ACTN1: variants seen among roughly 807,000 people sequenced by gnomAD.
ACTN1 encodes the protein alpha-actinin-1.
Under a neutral mutation model 119.6 loss-of-function variants are expected in ACTN1, and 30 were observed. The ratio of observed to expected loss-of-function variants is 0.25; its 90% CI spans 0.19 to 0.34. The LOEUF (loss-of-function observed/expected upper bound fraction) is 0.34. ACTN1 is among the 10% of genes least tolerant of loss of function. The probability of loss-of-function intolerance (pLI) is 1.00; values close to 1 mark genes in which losing one functional copy is unlikely to be tolerated. For missense variants in ACTN1, 764 were observed against 1,223.4 expected (o/e 0.62, Z 5.60); for synonymous variants, 429 against 472.6 (o/e 0.91, Z 1.20).
chr14:68,973,103 G>A (rs75600048), intron 1 of ACTN1, among the ~76,000 whole-genome samples: 128 of 152,262 alleles, frequency 8.4e-4, no homozygotes, highest in African/African-American at 2.8e-3. Flanking sequence ...CCCCTGGTAC[G>A]ACATGAAAGG....
chr14:68,912,071 T>C (rs2140301417), intron 4 of ACTN1, 85 bp downstream of exon 4: 1 of 1,258,426 alleles, frequency 7.9e-7, no homozygotes. Context: ...CAACGTCCGT[T>C]GCCCTGGGTA....
At chr14:68,927,240 C>T (rs1002595212) in intron 1 of ACTN1, among the ~76,000 whole-genome samples, 22 of 152,312 alleles carry the variant, frequency 1.4e-4, no homozygotes, top group African/African-American at 4.8e-4. Flanking sequence ...AGAGATATCA[C>T]CTCCTCCAGG....
intron 1 of ACTN1, among the ~76,000 whole-genome samples, chr14:68,972,758 T>C (rs536117549): frequency 1.2e-3 from 187 of 152,302 alleles, no homozygotes; most frequent in African/African-American, 4.3e-3. Context: ...AGCTCCACCA[T>C]TTGCTGGCTG....
rs564212652 is a variant in ACTN1, at chr14:68,942,715, A to G, written c.106-17043T>C. ...CTGGTGGAGAGTAGACTGTACAGCC[A>G]TTTTAGGGGGTAACTCAGCAGCGTA... is the stretch of plus-strand genomic sequence containing the variant. On this transcript the variant is annotated intron_variant, in intron 1 of 21. Transcript: ENST00000394419. Among the ~76,000 whole-genome samples the G allele has an allele frequency of 6.6e-5, 10 of 152,288 alleles. No homozygotes were observed. In the East Asian group the frequency reaches 1.9e-3, roughly 29 times the overall value.
At chr14:68,892,949 G>C (rs1281656431) in intron 9 of ACTN1, among the ~76,000 whole-genome samples, 5 of 152,178 alleles carry the variant, frequency 3.3e-5, no homozygotes, top group African/African-American at 1.2e-4. Flanking sequence ...TAAGGGCTGT[G>C]ATCACCTGCA....
At chr14:68,891,871 C>G (rs975927566) in intron 10 of ACTN1, among the ~76,000 whole-genome samples, 182 bp downstream of exon 10, 30 of 152,070 alleles carry the variant, frequency 2.0e-4, no homozygotes, top group African/African-American at 7.2e-4. Context: ...CCCACATGGC[C>G]GAGTTTGGGA....
Position 68,892,224 on chromosome 14 carries a change from G to A in ACTN1, c.915C>T (p.Thr305=), listed in dbSNP as rs1380217207. 1 of 1,614,192 alleles carries A rather than the reference G, an allele frequency of 6.2e-7. No individual in the cohort carries two copies. The highest frequency in any genetic ancestry group is 1.7e-5 in the Admixed American group (1 of 60,032). The stretch of plus-strand genomic sequence containing the variant: ...CCAGCTTCTGTTGCATGGCATGCAT[G>A]GTGTTCTCGGGCACCCGGTTCTCCA... ...PWLENRVPEN[T]MHAMQQKLED... The change falls in exon 10 of 22, where the codon ACC becomes ACT. Residue 305 remains threonine, a synonymous_variant. Transcript: ENST00000394419.
chr14:68,943,760 C>T (rs1239388850), intron 1 of ACTN1, among the ~76,000 whole-genome samples: 1 of 152,212 alleles, frequency 6.6e-6, no homozygotes, highest in African/African-American at 2.4e-5. Context: ...GTCCACTCAA[C>T]AATTCTAGGT....
At chr14:68,935,447 G>T (rs1402755592) in intron 1 of ACTN1, among the ~76,000 whole-genome samples, 1 of 124,082 alleles carries the variant, frequency 8.1e-6, no homozygotes, top group African/African-American at 3.2e-5. Context: ...GTGCAGTGGT[G>T]CAATCTCAGC....
intron 1 of ACTN1, among the ~76,000 whole-genome samples, chr14:68,969,903 T>C (rs2036826651): frequency 6.6e-6 from 1 of 152,140 alleles, no homozygotes; most frequent in Non-Finnish European, 1.5e-5. Context: ...CCAAGTTCCA[T>C]TAGGGGACCG....
chr14:68,892,878 AG>A, intron 9 of ACTN1, among the ~76,000 whole-genome samples: 1 of 152,290 alleles, frequency 6.6e-6, no homozygotes, highest in East Asian at 1.9e-4. Flanking sequence ...GAACACCTGC[AG>A]GGGGCCAGGC....
intron 4 of ACTN1, 74 bp downstream of exon 4, chr14:68,912,082 T>C (rs1022587090): frequency 2.1e-6 from 3 of 1,416,552 alleles, no homozygotes; most frequent in African/African-American, 2.8e-5. Context: ...GCCCTGGGTA[T>C]GGGAGTTCTC....
At chr14:68,877,530 G>A in intron 20 of ACTN1, 1 of 395,992 alleles carries the variant, frequency 2.5e-6, no homozygotes, top group South Asian at 4.1e-5. Context: ...TGACACCTAT[G>A]TAGCATATCA....
intron 10 of ACTN1, 90 bp from the exon 11 acceptor site, chr14:68,890,376 C>A (rs1047489042): frequency 1.4e-6 from 2 of 1,470,622 alleles, no homozygotes; most frequent in Non-Finnish European, 1.8e-6. Flanking sequence ...GTGCCCCATG[C>A]CTTCCAGGAA....
At position 68,919,628 on chromosome 14, in the gene ACTN1, A is replaced by G. The variant is rs571475980; in HGVS notation, c.340+1378T>C. ...GAAACCAAGGTTTCTGCCTTTGAGA[A>G]GCTCACAGCTGGTGGGGGAGATGCT... On this transcript the variant is annotated intron_variant, in intron 3 of 21. Transcript: ENST00000394419. Among the ~76,000 whole-genome samples the G allele has an allele frequency of 5.2e-4, 79 of 152,302 alleles. 1 individual carries two copies. The South Asian group carries it at 0.016, about 31-fold the overall frequency.
chr14:68,952,930 T>A (rs1190149760), intron 1 of ACTN1, among the ~76,000 whole-genome samples: 4 of 152,040 alleles, frequency 2.6e-5, no homozygotes, highest in African/African-American at 9.7e-5. Context: ...GGAATGCTGA[T>A]CCTCCACCAC....
chr14:68,933,808 C>T (rs941159208), intron 1 of ACTN1, among the ~76,000 whole-genome samples: 1 of 151,966 alleles, frequency 6.6e-6, no homozygotes, highest in South Asian at 2.1e-4. Context: ...TTCATCTCTA[C>T]AGAAAAAATC....
intron 1 of ACTN1, among the ~76,000 whole-genome samples, chr14:68,940,552 A>C (rs774805814): frequency 2.6e-5 from 4 of 151,980 alleles, no homozygotes; most frequent in Non-Finnish European, 4.4e-5. Flanking sequence ...TCAAAAATTA[A>C]ATAAGGCTGG....
Position 68,878,521 on chromosome 14 carries a change from C to T in ACTN1, c.2364G>A (p.Lys788=), listed in dbSNP as rs1339809665. 6.2e-7 allele frequency: 1 copy of T among 1,606,986 alleles called. No homozygotes were observed. Residue 788 remains lysine, a splice_region_variant and synonymous_variant, in exon 20 of 22, where the codon AAG becomes AAA. Transcript: ENST00000394419. This position sits in a 1 kb window ranked among gnomAD's most constrained non-coding sequence, Gnocchi z 4.4. Reference sequence around the variant, plus strand: ...CATCCGTGTCCATCATGCCTGTCTTCTTCTGTGGGGGGCAGTGGTACCAAG... The same window carrying T: ...CATCCGTGTCCATCATGCCTGTCTTTTTCTGTGGGGGGCAGTGGTACCAAG... ...LGYDIGNDPQ[K]KTGMMDTDDF... is the part of the protein sequence containing the mutation.
Sources: gnomAD v4.1 joint callset for allele counts (sites outside exome capture counted in the v4.1 genomes callset) on GRCh38, gnomAD v4.1.1 for gene constraint, Gnocchi (gnomAD v3.1) non-coding constraint, MANE v1.5 for transcripts, NCBI Gene and HGNC (gene_info 2026-07-23, HGNC 2026-07-21) for gene names.